Variants in TRPM6 observed in about 807,000 individuals in gnomAD.
The protein encoded by TRPM6 is transient receptor potential cation channel subfamily M member 6.
TRPM6 carries 111 observed loss-of-function variants against 247.6 expected under a neutral mutation model. That is an observed-to-expected ratio of 0.45 (90% confidence interval 0.38 to 0.52). TRPM6 has a LOEUF of 0.52. TRPM6 is among the 20% of genes least tolerant of loss of function. The pLI is 0.00. For synonymous variants in TRPM6, 892 were observed against 853.8 expected, an observed-to-expected ratio of 1.04 and a Z score of -0.78; for missense variants, 2,126 against 2,421.5, an observed-to-expected ratio of 0.88 and a Z score of 2.56.
Position 74,806,245 on chromosome 9 carries a change from GA to G in TRPM6, c.1638+1788del, listed in dbSNP as rs35792617. 6.2e-3 allele frequency among the ~76,000 whole-genome samples: 921 copies of G among 149,454 alleles called. 4 individuals carry two copies. The highest frequency in any genetic ancestry group is 8.7e-3 in the Non-Finnish European group (584 of 67,312). On this transcript the variant is annotated intron_variant, in intron 14 of 38. Transcript: ENST00000360774. ...ATTTTCCATTAAAAAATACAACTGA[GA>G]AAAAAAAACCATAGGCTTTTTAAAA...
chr9:74,852,614 GC>G (rs1268319698), intron 3 of TRPM6, among the ~76,000 whole-genome samples: 1 of 152,098 alleles, frequency 6.6e-6, no homozygotes, highest in African/African-American at 2.4e-5. Context: ...GCCTCAGCCT[GC>G]CGAGTGCCTG....
chr9:74,816,774 G>T lies in TRPM6; in HGVS notation c.1208-5C>A. Reference sequence around the variant, plus strand: ...CTGACGCTGATAAATTTGTGCCTAGGGTAAAAGAAAGGAACAATCATATAT... The same window carrying T: ...CTGACGCTGATAAATTTGTGCCTAGTGTAAAAGAAAGGAACAATCATATAT... On this transcript the variant is annotated splice_polypyrimidine_tract_variant and splice_region_variant and intron_variant, in intron 10 of 38. Coordinates refer to ENST00000360774, the MANE Select transcript of TRPM6 (RefSeq NM_017662.5). The T allele has an allele frequency of 6.2e-7, 1 of 1,613,826 alleles. No homozygotes were observed. The highest frequency in any genetic ancestry group is 1.6e-4 in the Middle Eastern group (1 of 6,062).
chr9:74,727,206 C>T (rs1825359546), intron 38 of TRPM6, among the ~76,000 whole-genome samples: 1 of 151,836 alleles, frequency 6.6e-6, no homozygotes, highest in Non-Finnish European at 1.5e-5. Flanking sequence ...CATGGTGAAA[C>T]CCTGTCTCTA....
At chr9:74,730,192 G>A (rs181607369) in intron 37 of TRPM6, among the ~76,000 whole-genome samples, 58 of 152,252 alleles carry the variant, frequency 3.8e-4, no homozygotes, top group Non-Finnish European at 6.8e-4. Flanking sequence ...CACATGCGAG[G>A]AAACGCTAAT....
chr9:74,731,467 A>T (rs1784262684), intron 37 of TRPM6, among the ~76,000 whole-genome samples: 1 of 151,850 alleles, frequency 6.6e-6, no homozygotes, highest in Non-Finnish European at 1.5e-5. Flanking sequence ...ATATCATAGG[A>T]ATTAGATGTG....
At chr9:74,740,411 T>C (rs1051588561) in intron 33 of TRPM6, among the ~76,000 whole-genome samples, 7 of 152,250 alleles carry the variant, frequency 4.6e-5, no homozygotes, top group Middle Eastern at 3.2e-3. Flanking sequence ...CTAATTGTTC[T>C]TCTCACAACC....
intron 5 of TRPM6, among the ~76,000 whole-genome samples, chr9:74,835,265 A>T (rs1789794228): frequency 6.6e-6 from 1 of 152,100 alleles, no homozygotes; most frequent in Admixed American, 6.6e-5. Flanking sequence ...TCCTTTGCCC[A>T]CTTTTTGATG....
intron 1 of TRPM6, among the ~76,000 whole-genome samples, chr9:74,880,417 T>C (rs900136813): frequency 1.3e-5 from 2 of 152,022 alleles, no homozygotes; most frequent in African/African-American, 4.8e-5. Flanking sequence ...CTGAAAGAAT[T>C]CTAAATTCTA....
intron 1 of TRPM6, among the ~76,000 whole-genome samples, chr9:74,874,533 C>A (rs947276089): frequency 6.6e-6 from 1 of 152,148 alleles, no homozygotes; most frequent in African/African-American, 2.4e-5. Flanking sequence ...AACTCCAGAA[C>A]AGGTTTCCAT....
At chr9:74,753,235 A>ACTACATATAGTACATATGCAT (rs1478158715) in intron 28 of TRPM6, among the ~76,000 whole-genome samples, 16 of 152,114 alleles carry the variant, frequency 1.1e-4, no homozygotes, top group Non-Finnish European at 2.2e-4. Flanking sequence ...CTACAGAGTT[A>ACTACATATAGTACATATGCAT]CTACATATAG....
rs892985688 is a variant in TRPM6, at chr9:74,724,270, T to TC, written c.*342dup. ...ATAGTGAGAAAATAAAATAAATGTA[T>TC]CCCCCCCAACCCCATCCTTTAATGT... On this transcript the variant is annotated 3_prime_UTR_variant, in exon 39 of 39. Coordinates refer to ENST00000360774, the MANE Select transcript of TRPM6 (RefSeq NM_017662.5). 10 of 353,406 alleles carry TC rather than the reference T, an allele frequency of 2.8e-5. No individual in the cohort carries two copies. The highest frequency in any genetic ancestry group is 8.6e-5 in the South Asian group (3 of 34,902). 21.9% of individuals were successfully genotyped at this position (353,406 alleles called of 1,614,324 possible).
rs79519418 is a variant in TRPM6, at chr9:74,864,485, A to T, written c.34-5737T>A. Among the ~76,000 whole-genome samples, 879 of 152,320 alleles carry T rather than the reference A, an allele frequency of 5.8e-3. 13 individuals are homozygous for T. Among genetic ancestry groups the T allele is most frequent in the African/African-American group, 0.02 (848 of 41,562 alleles). ...GAAAAACAGCATCCAGGCTAAAAATATCTAAAAACCAAGTTCCTGTTCCAC... is the reference window on the plus strand; with the variant it reads ...GAAAAACAGCATCCAGGCTAAAAATTTCTAAAAACCAAGTTCCTGTTCCAC... On this transcript the variant is annotated intron_variant, in intron 1 of 38. Transcript: ENST00000360774.
At chr9:74,725,298 T>C (rs1272014126) in intron 38 of TRPM6, among the ~76,000 whole-genome samples, 3 of 152,088 alleles carry the variant, frequency 2.0e-5, no homozygotes, top group Non-Finnish European at 2.9e-5. Flanking sequence ...CGGAGGAAAA[T>C]GGAGTTAAAA....
chr9:74,851,706 G>A (rs1437247931), intron 3 of TRPM6, among the ~76,000 whole-genome samples: 4 of 149,540 alleles, frequency 2.7e-5, no homozygotes, highest in Non-Finnish European at 4.4e-5. Context: ...CCAAGATTGC[G>A]CCACTGCGCT....
chr9:74,840,080 A>G lies in TRPM6; in HGVS notation c.488T>C (p.Leu163Ser). The G allele has an allele frequency of 3.1e-6, 5 of 1,614,172 alleles. No individual in the cohort carries two copies. The highest frequency in any genetic ancestry group is 1.1e-5 in the South Asian group (1 of 91,084). The change falls in exon 5 of 39, where the codon TTG becomes TCG. Residue 163 changes from leucine (L) to serine (S), a missense_variant. Leu to Ser is a moderately radical substitution (Grantham distance 145, BLOSUM62 -2). This residue lies in a region of TRPM6 where 1,082 missense variants were observed against 1,307.9 expected (regional missense o/e 0.83). Coordinates refer to ENST00000360774, the MANE Select transcript of TRPM6 (RefSeq NM_017662.5). ...TCCTGTTGTCTCTGCAGCTTTAACC[A>G]AACCTTGGCTGAAAATCTCTTTAAA... ...SKFKEIFSQG[L>S]VKAAETTGAW...
At chr9:74,787,547 A>G (rs1034238395) in intron 20 of TRPM6, among the ~76,000 whole-genome samples, 1 of 152,220 alleles carries the variant, frequency 6.6e-6, no homozygotes, top group African/African-American at 2.4e-5. Context: ...TTAGCAGGCA[A>G]CATAGGTATA....
chr9:74,810,466 A>G (rs947364304), intron 13 of TRPM6, among the ~76,000 whole-genome samples: 1 of 152,226 alleles, frequency 6.6e-6, no homozygotes, highest in Non-Finnish European at 1.5e-5. Flanking sequence ...TAAGGATAAC[A>G]CAACCACAAA....
At chr9:74,800,052 C>T (rs930143974) in intron 17 of TRPM6, 10 of 603,114 alleles carry the variant, frequency 1.7e-5, no homozygotes, top group Non-Finnish European at 2.4e-5. Context: ...TCGCAGAAGA[C>T]GACCATCCCC....
At chr9:74,726,156 G>A (rs1429660333) in intron 38 of TRPM6, among the ~76,000 whole-genome samples, 2 of 152,146 alleles carry the variant, frequency 1.3e-5, no homozygotes, top group Non-Finnish European at 2.9e-5. Context: ...CCACTTAAAT[G>A]TTGGTCAAAA....
Sources: allele counts gnomAD v4.1 joint callset (sites outside exome capture counted in the v4.1 genomes callset), GRCh38; gene constraint gnomAD v4.1.1; regional missense constraint gnomAD v4.1.1; transcripts MANE v1.5; gene names NCBI Gene and HGNC (gene_info 2026-07-23, HGNC 2026-07-21).